Variants in TMPO observed in about 807,000 individuals in gnomAD.
The protein encoded by TMPO is thymopoietin, also known as LEM domain containing 4.
A neutral mutation model predicts 45.4 loss-of-function variants in TMPO; 22 were observed. That is an observed-to-expected ratio of 0.48 (90% CI 0.35 to 0.69). TMPO has a LOEUF of 0.69. Among genes scored for constraint, TMPO ranks in the 30% least tolerant of loss-of-function variants. TMPO has a pLI of 0.01. For synonymous variants in TMPO, 241 were observed against 204.1 expected (o/e 1.18, Z -1.54); for missense variants, 512 against 548.8 (o/e 0.93, Z 0.67).
chr12:98,516,103 C>G lies in TMPO; in HGVS notation c.236C>G (p.Ser79Cys). 1.3e-6 allele frequency: 2 copies of G among 1,551,258 alleles called. No individual in the cohort carries two copies. Among genetic ancestry groups the G allele is most frequent in the Non-Finnish European group, 1.7e-6 (2 of 1,156,554 alleles). The change falls in exon 1 of 9, where the codon TCT becomes TGT. Residue 79 changes from serine (S) to cysteine (C), a missense_variant. By Grantham distance (112) the Ser-to-Cys change is moderately radical (BLOSUM62 -1). Around this residue, in one of 3 missense-constraint regions of TMPO, gnomAD observed 299 missense variants for 296.7 expected, o/e 1.01. Transcript: ENST00000556029. ...EEREPTPVLG[S>C]GAAAAGRSRA... is the part of the protein sequence containing the mutation. ...CGCGAGCCCACCCCGGTCCTCGGCTCTGGGGCCGCCGCCGCGGGCCGGAGC... is the reference window on the plus strand; with the variant it reads ...CGCGAGCCCACCCCGGTCCTCGGCTGTGGGGCCGCCGCCGCGGGCCGGAGC...
chr12:98,527,160 C>T (rs557935755), intron 1 of TMPO, among the ~76,000 whole-genome samples: 31 of 151,914 alleles, frequency 2.0e-4, no homozygotes, highest in African/African-American at 7.2e-4. Flanking sequence ...TGATCTGTTT[C>T]CGTTGCCATT....
At position 98,537,540 on chromosome 12, in the gene TMPO, A is replaced by G. The variant is rs1198460827; in HGVS notation, c.631A>G (p.Thr211Ala). 2 of 1,613,440 alleles carry G rather than the reference A, an allele frequency of 1.2e-6. No homozygotes were observed. The highest frequency in any genetic ancestry group is 2.7e-5 in the African/African-American group (2 of 74,920). ...PLKGRAKTPVTLKQRRVEHNQ... is the reference protein window; with the variant it reads ...PLKGRAKTPVALKQRRVEHNQ... ...AAAGGGCAGAGCAAAGACTCCAGTA[A>G]CACTCAAGCAAAGAAGAGTTGAGCA... Residue 211 changes from threonine (T) to alanine (A), a missense_variant, in exon 4 of 9, where the codon ACA (threonine) becomes GCA (alanine). Physicochemically the swap from Thr to Ala is moderately conservative, Grantham distance 58 (BLOSUM62 0). This residue lies in a region of TMPO where 299 missense variants were observed against 296.7 expected (regional missense o/e 1.01). Transcript: ENST00000556029.
At chr12:98,519,269 G>A (rs936723556) in intron 1 of TMPO, among the ~76,000 whole-genome samples, 1 of 151,940 alleles carries the variant, frequency 6.6e-6, no homozygotes. Context: ...GAGTGCAATG[G>A]CCCGATTTCA....
chr12:98,537,449 A>G (rs759378140), intron 3 of TMPO, 26 bp from the exon 4 acceptor site: 3 of 1,541,854 alleles, frequency 1.9e-6, no homozygotes, highest in Admixed American at 1.7e-5. Flanking sequence ...TTCAGAGAGT[A>G]ATGGTTTCTC....
chr12:98,533,797 C>T, intron 3 of TMPO: 1 of 1,614,210 alleles, frequency 6.2e-7, no homozygotes, highest in Non-Finnish European at 8.5e-7. Context: ...CAGGCAGCTG[C>T]CTTCACTGGC....
chr12:98,525,525 G>A (rs888957124), intron 1 of TMPO, among the ~76,000 whole-genome samples: 3 of 152,064 alleles, frequency 2.0e-5, no homozygotes, highest in African/African-American at 7.2e-5. Flanking sequence ...CATAACATTT[G>A]GGGTCAGGAG....
rs745442874 is a variant in TMPO, at chr12:98,528,006, A to T, written c.400A>T (p.Ile134Phe). 8.1e-6 allele frequency: 13 copies of T among 1,613,742 alleles called. 1 individual carries two copies. Among genetic ancestry groups the T allele is most frequent in the Non-Finnish European group, 1.1e-5 (13 of 1,179,890 alleles). ...GAAATACGGAGTGAATCCTGGTCCT[A>T]TTGTGGGTAAGTTGATAAAATTTCA... is the stretch of plus-strand genomic sequence containing the variant. ...LVKYGVNPGP[I>F]VGTTRKLYEK... is the part of the protein sequence containing the mutation. Residue 134 changes from isoleucine to phenylalanine, a missense_variant, in exon 2 of 9, where the codon ATT becomes TTT. Around this residue, in one of 3 missense-constraint regions of TMPO, gnomAD observed 299 missense variants for 296.7 expected, o/e 1.01. Transcript: ENST00000556029.
chr12:98,531,435 G>A (rs894194298), intron 2 of TMPO, among the ~76,000 whole-genome samples: 2 of 151,230 alleles, frequency 1.3e-5, no homozygotes, highest in African/African-American at 4.9e-5. Context: ...TAGTTTCCCT[G>A]TGTTGGCCAG....
chr12:98,516,428 C>T, intron 1 of TMPO: 5 of 1,168,750 alleles, frequency 4.3e-6, no homozygotes, highest in Non-Finnish European at 5.3e-6. Flanking sequence ...CGCCGCTTCC[C>T]TGGACCACCA....
intron 7 of TMPO, among the ~76,000 whole-genome samples, chr12:98,546,121 T>C (rs894774217): frequency 3.3e-5 from 5 of 152,200 alleles, no homozygotes; most frequent in Non-Finnish European, 5.9e-5. Context: ...CCCCCAGTTA[T>C]TTAAATGTGT....
chr12:98,515,604 G>A lies in TMPO; in HGVS notation c.-264G>A, dbSNP rs1875710713. 8.9e-6 allele frequency: 5 copies of A among 560,490 alleles called. No individual in the cohort carries two copies. Among genetic ancestry groups the A allele is most frequent in the Admixed American group, 3.4e-5 (1 of 29,594 alleles). 34.7% of individuals were successfully genotyped at this position (560,490 alleles called of 1,614,324 possible). A position where few individuals can be genotyped will look rare whatever the true frequency, so the allele number is the denominator to read the frequency against. ...GGGGCGTGGGCGAAGCAGGCTGCTC[G>A]CCTCCTGCCTGTAGTGTGTGGGCTG... On this transcript the variant is annotated 5_prime_UTR_variant, in exon 1 of 9. Coordinates refer to ENST00000556029, the MANE Select transcript of TMPO (RefSeq NM_001032283.3).
At chr12:98,544,070 T>C (rs1256539530) in intron 4 of TMPO, 160 bp from the exon 5 acceptor site, 1 of 756,608 alleles carries the variant, frequency 1.3e-6, no homozygotes, top group Non-Finnish European at 2.1e-6. Flanking sequence ...TAAATATCAG[T>C]TCAATTAATA....
chr12:98,545,998 G>T (rs1208045160), intron 7 of TMPO, among the ~76,000 whole-genome samples: 1 of 152,210 alleles, frequency 6.6e-6, no homozygotes, highest in Non-Finnish European at 1.5e-5. Flanking sequence ...CTCCCAAAGT[G>T]CTGGGATTAC....
chr12:98,527,172 G>C (rs956058677), intron 1 of TMPO, among the ~76,000 whole-genome samples: 1 of 151,762 alleles, frequency 6.6e-6, no homozygotes. Flanking sequence ...GTTGCCATTG[G>C]AGTTATATGC....
chr12:98,516,436 C>T, intron 1 of TMPO: 1 of 1,160,718 alleles, frequency 8.6e-7, no homozygotes. Context: ...CCCTGGACCA[C>T]CAGCCGCCTG....
chr12:98,518,470 C>CTTTTTTTTTTTTTTTT (rs11437786), intron 1 of TMPO, among the ~76,000 whole-genome samples: 4 of 83,516 alleles, frequency 4.8e-5, no homozygotes, highest in African/African-American at 5.1e-5. Flanking sequence ...ATTTTCTAAT[C>CTTTTTTTTTTTTTTTT]TTTTTTTTTT....
At chr12:98,532,743 A>G in intron 3 of TMPO, 1 of 1,608,442 alleles carries the variant, frequency 6.2e-7, no homozygotes, top group Non-Finnish European at 8.5e-7. Flanking sequence ...TGACAGCACT[A>G]TTTTTAGCAA....
At chr12:98,531,155 G>A (rs7307828) in intron 2 of TMPO, among the ~76,000 whole-genome samples, 18,015 of 150,396 alleles carry the variant, frequency 0.12, 1,686 homozygotes, top group African/African-American at 0.26. Context: ...GGTCAGGCTT[G>A]TCTTGAACTG....
At position 98,515,997 on chromosome 12, in the gene TMPO, C is replaced by T; in HGVS notation, c.130C>T (p.His44Tyr). 6.2e-7 allele frequency: 1 copy of T among 1,612,282 alleles called. No homozygotes were observed. Among genetic ancestry groups the T allele is most frequent in the Non-Finnish European group, 8.5e-7 (1 of 1,179,740 alleles). ...KDVYVQLYLQ[H>Y]LTARNRPPLP... ...CGTGTACGTCCAGCTCTACCTGCAG[C>T]ACCTCACGGCTCGCAACCGGCCGCC... The change falls in exon 1 of 9, where the codon CAC (histidine) becomes TAC (tyrosine). Residue 44 changes from histidine to tyrosine, a missense_variant. Transcript: ENST00000556029.
Sources: allele counts gnomAD v4.1 joint callset (sites outside exome capture counted in the v4.1 genomes callset), GRCh38; gene constraint gnomAD v4.1.1; regional missense constraint gnomAD v4.1.1; transcripts MANE v1.5; gene names NCBI Gene and HGNC (gene_info 2026-07-23, HGNC 2026-07-21).